GNAS: variants seen among roughly 807,000 people sequenced by gnomAD.
GNAS encodes GNAS complex locus.
GNAS carries 8 observed loss-of-function variants against 54.5 expected under a neutral mutation model. That is an observed-to-expected ratio of 0.15 (90% CI 0.09 to 0.26). GNAS has a LOEUF of 0.26. Ranked by LOEUF, GNAS falls within the 10% of genes least tolerant of loss-of-function variation. GNAS has a pLI of 1.00. For missense variants in GNAS, 170 were observed against 529.8 expected, an observed-to-expected ratio of 0.32 and a Z score of 6.67; for synonymous variants, 204 against 191.4, an observed-to-expected ratio of 1.07 and a Z score of -0.54.
intron 1 of GNAS, among the ~76,000 whole-genome samples, chr20:58,870,444 T>C (rs1042484619): frequency 2.0e-5 from 3 of 152,202 alleles, no homozygotes; most frequent in Non-Finnish European, 4.4e-5. Context: ...TCCTGGGCCA[T>C]GGGAGCTCCT....
At chr20:58,885,135 A>G (rs1046572194) in intron 1 of GNAS, 2 of 152,250 alleles carry the variant, frequency 1.3e-5, no homozygotes, top group Non-Finnish European at 2.9e-5. Context: ...TTTTGTTAAA[A>G]GTCCATTCCT....
At chr20:58,889,026 G>A (rs1046458706), upstream of GNAS, 5 of 984,006 alleles carry the variant, frequency 5.1e-6, no homozygotes, top group Admixed American at 3.1e-4. Context: ...GCACCCCCAG[G>A]GTGCGCGGCG....
intron 5 of GNAS, among the ~76,000 whole-genome samples, chr20:58,905,076 A>C (rs2090949175): frequency 6.6e-6 from 1 of 152,198 alleles, no homozygotes; most frequent in Admixed American, 6.5e-5. Flanking sequence ...TATTCTTCCT[A>C]AACAATTCTG....
intron 1 of GNAS, chr20:58,855,023 C>A (rs755753529): frequency 1.2e-6 from 2 of 1,612,856 alleles, no homozygotes; most frequent in Non-Finnish European, 1.7e-6. Context: ...ATGGGACCTC[C>A]GGATGCCTCC....
chr20:58,855,210 C>T lies in GNAS; in HGVS notation c.43+14324C>T, dbSNP rs372938101. ...CCTGGCGGAGAAGCGCAGACAGATG[C>T]GCAAAGAAGCCCTGGAGAAGCGGGC... On this transcript the variant is annotated intron_variant, in intron 1 of 12. Transcript: ENST00000306090. 1.9e-5 allele frequency: 31 copies of T among 1,599,910 alleles called. No homozygotes were observed. Among genetic ancestry groups the T allele is most frequent in the Non-Finnish European group, 2.6e-5 (31 of 1,173,274 alleles).
Position 58,841,910 on chromosome 20 carries a change from G to GT in GNAS, c.43+1025dup. ...AACAAGGGACAGGCTGGAGACGGGG[G>GT]TCGCGTCTAACATCAGGATAACTTA... On this transcript the variant is annotated intron_variant, in intron 1 of 12. Coordinates refer to the GNAS transcript ENST00000306090. The surrounding 1 kb of genome is among the most constrained non-coding windows in gnomAD (Gnocchi z 5.0). 1 of 1,224,754 alleles carries GT rather than the reference G, an allele frequency of 8.2e-7. No homozygotes were observed. Among genetic ancestry groups the GT allele is most frequent in the Non-Finnish European group, 1.0e-6 (1 of 981,616 alleles). The allele number at this position is 1,224,754 out of a possible 1,614,324, so 75.9% of individuals were successfully genotyped here.
At chr20:58,899,875 G>T in intron 3 of GNAS, 1 of 714,112 alleles carries the variant, frequency 1.4e-6, no homozygotes, top group Non-Finnish European at 2.6e-6. Flanking sequence ...CTGTGGCCGG[G>T]GAGGGGAGGG....
At chr20:58,900,306 AACCCTACTAAT>A in intron 3 of GNAS, 1 of 357,728 alleles carries the variant, frequency 2.8e-6, no homozygotes, top group Middle Eastern at 7.4e-4. Context: ...TAAACCCTTG[AACCCTACTAAT>A]ACCTTGGCCT....
intron 1 of GNAS, among the ~76,000 whole-genome samples, chr20:58,843,144 T>C (rs112822366): frequency 1.1e-3 from 160 of 152,080 alleles, no homozygotes; most frequent in African/African-American, 3.7e-3. Context: ...TACAGCCCAA[T>C]TGTAAAAACC....
intron 1 of GNAS, among the ~76,000 whole-genome samples, chr20:58,869,446 T>C (rs2087289810): frequency 6.6e-6 from 1 of 152,200 alleles, no homozygotes; most frequent in South Asian, 2.1e-4. Flanking sequence ...GGAGAATCTT[T>C]GTGGGAGCAG....
upstream of GNAS, chr20:58,888,477 G>A (rs2145845073): frequency 6.6e-6 from 1 of 152,288 alleles, no homozygotes; most frequent in African/African-American, 2.4e-5. Context: ...GTGTGCGGCG[G>A]GACACTTGAG....
At chr20:58,860,370 G>A (rs2086722986) in intron 1 of GNAS, among the ~76,000 whole-genome samples, 1 of 147,532 alleles carries the variant, frequency 6.8e-6, no homozygotes, top group Non-Finnish European at 1.5e-5. Flanking sequence ...TTGTTTTTTT[G>A]CAGGGTCTAA....
upstream of GNAS, among the ~76,000 whole-genome samples, chr20:58,891,017 C>A (rs1434364983): frequency 6.6e-6 from 1 of 151,150 alleles, no homozygotes; most frequent in Non-Finnish European, 1.5e-5. Context: ...CTCGGGGGCG[C>A]CGGGCGACGC....
At chr20:58,894,185 A>G (rs2145978880) in intron 1 of GNAS, among the ~76,000 whole-genome samples, 1 of 152,338 alleles carries the variant, frequency 6.6e-6, no homozygotes, top group Non-Finnish European at 1.5e-5. Context: ...CATTTCATAA[A>G]TGTGGAAACT....
intron 1 of GNAS, chr20:58,854,504 C>T (rs200870807): frequency 1.9e-6 from 3 of 1,576,158 alleles, no homozygotes; most frequent in East Asian, 2.3e-5. Flanking sequence ...ATCCCGACTC[C>T]GGGACAGCAC....
chr20:58,877,225 C>T (rs1228032008), intron 1 of GNAS, among the ~76,000 whole-genome samples: 1 of 151,756 alleles, frequency 6.6e-6, no homozygotes, highest in Non-Finnish European at 1.5e-5. Context: ...TGTGAGCTGC[C>T]AAGGTACAGA....
intron 1 of GNAS, among the ~76,000 whole-genome samples, chr20:58,849,865 G>C (rs1478797480): frequency 6.6e-6 from 1 of 152,140 alleles, no homozygotes; most frequent in African/African-American, 2.4e-5. Context: ...TGCTGCTTCT[G>C]CTTTTCCTAA....
intron 1 of GNAS, among the ~76,000 whole-genome samples, chr20:58,858,414 G>T (rs1242954494): frequency 6.6e-6 from 1 of 152,138 alleles, no homozygotes; most frequent in Non-Finnish European, 1.5e-5. Flanking sequence ...TCAGTAATAT[G>T]ATTAAAATTC....
upstream of GNAS, among the ~76,000 whole-genome samples, chr20:58,886,710 A>G (rs1419601096): frequency 6.6e-6 from 1 of 152,052 alleles, no homozygotes; most frequent in African/African-American, 2.4e-5. Context: ...ATTTGAGGCC[A>G]AAAGCTCAGT....
Sources: gnomAD v4.1 joint callset for allele counts (sites outside exome capture counted in the v4.1 genomes callset) on GRCh38, gnomAD v4.1.1 for gene constraint, Gnocchi (gnomAD v3.1) non-coding constraint, MANE v1.5 for transcripts, NCBI Gene and HGNC (gene_info 2026-07-23, HGNC 2026-07-21) for gene names.